LAMA3: variants seen among roughly 807,000 people sequenced by gnomAD.
LAMA3 encodes laminin subunit alpha 3.
In LAMA3, 281 loss-of-function variants were observed where a neutral mutation model predicts 402.0. The ratio of observed to expected loss-of-function variants is 0.70; its 90% confidence interval spans 0.63 to 0.77. The LOEUF is 0.77. Ranked by LOEUF, LAMA3 falls within the 30% of genes least tolerant of loss-of-function variation. The pLI is 0.00. For synonymous variants in LAMA3, 1,431 were observed against 1,558.4 expected, an observed-to-expected ratio of 0.92 and a Z score of 1.93; for missense variants, 3,840 against 4,215.5, an observed-to-expected ratio of 0.91 and a Z score of 2.47.
At position 23,918,474 on chromosome 18, in the gene LAMA3, G is replaced by C. The variant is rs1427483815; in HGVS notation, c.7923+1779G>C. ...TCTGTCTTGATCTGATTCTTACCAG[G>C]CTGTGTGGGATTGTGTCTTTATCAG... is the stretch of plus-strand genomic sequence containing the variant. On this transcript the variant is annotated intron_variant, in intron 60 of 74. Transcript: ENST00000313654. This position sits in a 1 kb window ranked among gnomAD's most constrained non-coding sequence, Gnocchi z 4.1. Among the ~76,000 whole-genome samples the C allele has an allele frequency of 6.6e-6, 1 of 152,168 alleles. No individual in the cohort carries two copies. Among genetic ancestry groups the C allele is most frequent in the African/African-American group, 2.4e-5 (1 of 41,436 alleles).
intron 41 of LAMA3, among the ~76,000 whole-genome samples, chr18:23,889,331 G>A (rs2080559232): frequency 1.3e-5 from 2 of 151,908 alleles, no homozygotes; most frequent in South Asian, 4.2e-4. Flanking sequence ...GGAGGCTGAG[G>A]CAGAAGGATT....
In LAMA3 at chr18:23,895,041, C is replaced by G; in HGVS notation, c.5596C>G (p.Gln1866Glu). The G allele has an allele frequency of 1.2e-6, 2 of 1,604,914 alleles. No homozygotes were observed. Among genetic ancestry groups the G allele is most frequent in the Non-Finnish European group, 1.7e-6 (2 of 1,175,718 alleles). Residue 1866 changes from glutamine (Q) to glutamate (E), a missense_variant, in exon 44 of 75, where the codon CAG becomes GAG. By Grantham distance (29) the Gln-to-Glu change is conservative. Around this residue, in one of 3 missense-constraint regions of LAMA3, gnomAD observed 891 missense variants for 857.5 expected, o/e 1.04. Transcript: ENST00000313654. ...LLEQMRHMET[Q>E]AKDLRNQLLN... ...GGAGCAGATGAGGCACATGGAGACC[C>G]AGGCCAAGGACCTGAGGGTAAATCC...
rs34345945 is a variant in LAMA3 at position 23,861,338 on chromosome 18, T to A, written c.4423-308T>A. On this transcript the variant is annotated intron_variant, in intron 34 of 74. Transcript: ENST00000313654. ...AATGCGCCATGGTCCTAGTTTTTAT[T>A]CATACACTTATTTCTTTATTATTCA... Among the ~76,000 whole-genome samples the A allele has an allele frequency of 0.033, 5,034 of 152,312 alleles. 133 individuals are homozygous for A. The highest frequency in any genetic ancestry group is 0.049 in the Non-Finnish European group (3,345 of 68,016).
rs1568341026 is a variant in LAMA3, at chr18:23,916,558, G to A, written c.7786G>A (p.Glu2596Lys). The change falls in exon 60 of 75, where the codon GAA (glutamate) becomes AAA (lysine). Residue 2596 changes from glutamate to lysine, a missense_variant. Glu to Lys is a moderately conservative substitution (Grantham distance 56). This residue lies in a region of LAMA3 where 840 missense variants were observed against 981.9 expected (regional missense o/e 0.86). Coordinates refer to ENST00000313654, the MANE Select transcript of LAMA3 (RefSeq NM_198129.4). ...GATGATTAATGTTGACAGGAGGAAG[G>A]AAGAGTCAGACAAAAATTATTTTGA... is the stretch of plus-strand genomic sequence containing the variant. ...TEVEPCRRRKEESDKNYFEGT... is the reference protein window; with the variant it reads ...TEVEPCRRRKKESDKNYFEGT... The A allele has an allele frequency of 8.7e-6, 14 of 1,614,154 alleles. No individual in the cohort carries two copies. Among genetic ancestry groups the A allele is most frequent in the Middle Eastern group, 1.6e-4 (1 of 6,062 alleles).
At chr18:23,737,849 G>T (rs1001448766) in intron 2 of LAMA3, among the ~76,000 whole-genome samples, 1 of 152,240 alleles carries the variant, frequency 6.6e-6, no homozygotes, top group Non-Finnish European at 1.5e-5. Context: ...TTTTAAAGGA[G>T]AAGTGCAGTG....
chr18:23,795,993 C>T (rs1385864000), intron 12 of LAMA3: 1 of 348,902 alleles, frequency 2.9e-6, no homozygotes, highest in Non-Finnish European at 5.7e-6. Context: ...ATAGCTCGTT[C>T]ACTCTCTCTC....
intron 35 of LAMA3, among the ~76,000 whole-genome samples, chr18:23,862,381 A>G (rs1180865454): frequency 6.6e-6 from 1 of 152,182 alleles, no homozygotes; most frequent in Non-Finnish European, 1.5e-5. Flanking sequence ...TTTTATGAGG[A>G]CAGAAATGCA....
chr18:23,928,649 AGAG>A lies in LAMA3; in HGVS notation c.8326_8328del (p.Gly2776del). On this transcript the variant is annotated inframe_deletion, in exon 64 of 75. Transcript: ENST00000313654. The stretch of plus-strand genomic sequence containing the variant: ...GCTTGTGCGATCTGCCTCATTCTCC[AGAG>A]GAGGACAATTGAGTTTCACTGATTT... 5 of 1,614,018 alleles carry A rather than the reference AGAG, an allele frequency of 3.1e-6. No individual in the cohort carries two copies. The highest frequency in any genetic ancestry group is 4.2e-6 in the Non-Finnish European group (5 of 1,179,854).
rs766444741 is a variant in LAMA3, at chr18:23,842,541, C to T, written c.3463+20C>T. 6 of 1,614,078 alleles carry T rather than the reference C, an allele frequency of 3.7e-6. No individual in the cohort carries two copies. The highest frequency in any genetic ancestry group is 5.1e-6 in the Non-Finnish European group (6 of 1,180,056). ...GGGCAGGTGAGCTGCAGTGAGCAGG[C>T]CCTGCTGCCTGCCTCAGGCTGAATC... On this transcript the variant is annotated intron_variant, in intron 28 of 74. Transcript: ENST00000313654.
At chr18:23,853,074 G>T (rs17797660) in intron 32 of LAMA3, among the ~76,000 whole-genome samples, 71,557 of 151,996 alleles carry the variant, frequency 0.47, 19,101 homozygotes, top group Non-Finnish European at 0.62. Flanking sequence ...TCCTGTGTCC[G>T]CAGTGAAACA....
chr18:23,700,851 C>G (rs1411520746), intron 1 of LAMA3, among the ~76,000 whole-genome samples: 2 of 152,088 alleles, frequency 1.3e-5, no homozygotes, highest in Non-Finnish European at 2.9e-5. Flanking sequence ...GGGCGTGCCA[C>G]CATGCCCAGC....
In LAMA3 at chr18:23,808,302, AATAC is replaced by A. The variant is rs138365193; in HGVS notation, c.1604-2060_1604-2057del. Among the ~76,000 whole-genome samples, 487 of 152,328 alleles carry A rather than the reference AATAC, an allele frequency of 3.2e-3. 6 individuals are homozygous for A. Among genetic ancestry groups the A allele is most frequent in the African/African-American group, 0.011 (467 of 41,570 alleles). On this transcript the variant is annotated intron_variant, in intron 12 of 74. Coordinates refer to ENST00000313654, the MANE Select transcript of LAMA3 (RefSeq NM_198129.4). ...TAAATTAAATTTCTAGATTACTTAT[AATAC>A]ATAATATAATGTAAATGCTACATAA...
rs1287813924 is a variant in LAMA3, at chr18:23,848,328, CTGCATTGCTGA to C, written c.4136+661_4136+671del. Among the ~76,000 whole-genome samples, 32 of 152,220 alleles carry C rather than the reference CTGCATTGCTGA, an allele frequency of 2.1e-4. No homozygotes were observed. The East Asian group carries it at 4.6e-3, about 22-fold the overall frequency. The stretch of plus-strand genomic sequence containing the variant: ...GTGGAGACCTCGGCTCATGCAGATG[CTGCATTGCTGA>C]GAGGTTTGATTCAGAGGCTGCATTG... On this transcript the variant is annotated intron_variant, in intron 32 of 74. Transcript: ENST00000313654.
In LAMA3 at chr18:23,904,511, G is replaced by A. The variant is rs747041938; in HGVS notation, c.6474-42G>A. On this transcript the variant is annotated intron_variant, in intron 50 of 74. Coordinates refer to ENST00000313654, the MANE Select transcript of LAMA3 (RefSeq NM_198129.4). ...TTTGGGGGGATGTCAGCTGCTGGCA[G>A]AGGAAGGCTGTGGGGAGTGGCTAAC... 8.3e-6 allele frequency: 13 copies of A among 1,563,590 alleles called. No homozygotes were observed. The South Asian group carries it at 1.4e-4, about 17-fold the overall frequency.
At chr18:23,692,486 G>T (rs1294600955) in intron 1 of LAMA3, among the ~76,000 whole-genome samples, 2 of 152,114 alleles carry the variant, frequency 1.3e-5, no homozygotes, top group East Asian at 1.9e-4. Context: ...CGGCCAGGCT[G>T]GTCTCGAACT....
At position 23,689,465 on chromosome 18, in the gene LAMA3, G is replaced by C. The variant is rs1437459817; in HGVS notation, c.-219G>C. On this transcript the variant is annotated 5_prime_UTR_variant, in exon 1 of 75. Coordinates refer to ENST00000313654, the MANE Select transcript of LAMA3 (RefSeq NM_198129.4). ...GCTGAGCGCTGTCAGTTCCTGATCC[G>C]GCTGGTGCCCGCTCCAGCCGCGGCA... is the stretch of plus-strand genomic sequence containing the variant. 5.3e-6 allele frequency: 2 copies of C among 378,970 alleles called. No individual in the cohort carries two copies. Among genetic ancestry groups the C allele is most frequent in the Non-Finnish European group, 9.2e-6 (2 of 218,278 alleles). 23.5% of individuals were successfully genotyped at this position (378,970 alleles called of 1,614,324 possible).
At position 23,891,739 on chromosome 18, in the gene LAMA3, T is replaced by G. The variant is rs561265680; in HGVS notation, c.5410+1622T>G. Among the ~76,000 whole-genome samples the G allele has an allele frequency of 2.0e-5, 3 of 152,314 alleles. No homozygotes were observed. In the East Asian group the frequency reaches 5.8e-4, roughly 29 times the overall value. On this transcript the variant is annotated intron_variant, in intron 42 of 74. Coordinates refer to ENST00000313654, the MANE Select transcript of LAMA3 (RefSeq NM_198129.4). Reference sequence around the variant, plus strand: ...CAGGAGGTGTAAAAAAGCTTAAGGTTGTCATCAGCAGTCAGTGCAGGGTAG... The same window carrying G: ...CAGGAGGTGTAAAAAAGCTTAAGGTGGTCATCAGCAGTCAGTGCAGGGTAG...
At chr18:23,856,696 C>T (rs564186133) in intron 32 of LAMA3, among the ~76,000 whole-genome samples, 2 of 152,288 alleles carry the variant, frequency 1.3e-5, no homozygotes, top group South Asian at 2.1e-4. Context: ...GTGCTTTCCT[C>T]TGAGCTCTGG....
At chr18:23,705,430 G>A (rs1256084531) in intron 1 of LAMA3, among the ~76,000 whole-genome samples, 2 of 148,638 alleles carry the variant, frequency 1.3e-5, no homozygotes, top group East Asian at 1.9e-4. Context: ...GACCCAGCTC[G>A]GGAATGTATT....
Sources: gnomAD v4.1 joint callset for allele counts (sites outside exome capture counted in the v4.1 genomes callset) on GRCh38, gnomAD v4.1.1 for gene constraint, gnomAD v4.1.1 regional missense constraint, Gnocchi (gnomAD v3.1) non-coding constraint, MANE v1.5 for transcripts, NCBI Gene and HGNC (gene_info 2026-07-23, HGNC 2026-07-21) for gene names.